The following FSTL5 variants were observed in gnomAD, a reference collection of about 807,000 sequenced individuals.
FSTL5 encodes the protein follistatin-related protein 5.
A neutral mutation model predicts 89.1 loss-of-function variants in FSTL5; 62 were observed. The ratio of observed to expected loss-of-function variants is 0.70; its 90% CI spans 0.57 to 0.86. The LOEUF (loss-of-function observed/expected upper bound fraction) is 0.86. FSTL5 is among the 40% of genes least tolerant of loss of function. The probability of loss-of-function intolerance (pLI) is 0.00; values close to 1 mark genes in which losing one functional copy is unlikely to be tolerated. For synonymous variants in FSTL5, 383 were observed against 346.2 expected, an observed-to-expected ratio of 1.11 and a Z score of -1.18; for missense variants, 1,057 against 1,001.6, an observed-to-expected ratio of 1.06 and a Z score of -0.75.
At chr4:161,572,375 G>T (rs1336856661) in intron 8 of FSTL5, among the ~76,000 whole-genome samples, 1 of 123,230 alleles carries the variant, frequency 8.1e-6, no homozygotes, top group Admixed American at 8.3e-5. Flanking sequence ...GAAAGAAGAA[G>T]AATGCACTGA....
At chr4:162,159,422 A>G (rs983551534) in intron 1 of FSTL5, among the ~76,000 whole-genome samples, 1 of 152,074 alleles carries the variant, frequency 6.6e-6, no homozygotes, top group African/African-American at 2.4e-5. Context: ...TTATGAGTTG[A>G]AATAATATTC....
At chr4:162,068,374 T>C (rs1169496457) in intron 2 of FSTL5, among the ~76,000 whole-genome samples, 4 of 151,880 alleles carry the variant, frequency 2.6e-5, no homozygotes, top group African/African-American at 9.7e-5. Flanking sequence ...TGGAACAGAA[T>C]AGAGAACCCA....
chr4:161,770,019 T>G (rs1741153169), intron 5 of FSTL5, among the ~76,000 whole-genome samples: 1 of 151,674 alleles, frequency 6.6e-6, no homozygotes, highest in Admixed American at 6.6e-5. Context: ...CATGATGGAG[T>G]AGCATTTAGC....
intron 2 of FSTL5, among the ~76,000 whole-genome samples, chr4:162,055,540 T>TAGATAGAC (rs2111267329): frequency 6.6e-6 from 1 of 151,572 alleles, no homozygotes; most frequent in African/African-American, 2.4e-5. Context: ...GATAGATAGA[T>TAGATAGAC]AGATAGATAG....
chr4:161,534,766 A>C (rs1309967992), intron 10 of FSTL5, among the ~76,000 whole-genome samples: 2 of 152,144 alleles, frequency 1.3e-5, no homozygotes, highest in African/African-American at 4.8e-5. Flanking sequence ...ATGAGTAGCC[A>C]AAGCAATCCT....
Position 161,412,437 on chromosome 4 carries a change from G to A in FSTL5, c.1842-25988C>T, listed in dbSNP as rs144176400. On this transcript the variant is annotated intron_variant, in intron 15 of 15. Transcript: ENST00000306100. ...GCATCACACTACCTGACTTCACACT[G>A]GGAACTGAACAATGAGAACACTTAG... Among the ~76,000 whole-genome samples the A allele has an allele frequency of 1.7e-3, 262 of 151,866 alleles. 1 individual carries two copies. Among genetic ancestry groups the A allele is most frequent in the African/African-American group, 6.1e-3 (251 of 41,462 alleles).
chr4:161,752,945 C>T (rs1408933752), intron 6 of FSTL5, among the ~76,000 whole-genome samples: 2 of 152,150 alleles, frequency 1.3e-5, no homozygotes, highest in Non-Finnish European at 2.9e-5. Flanking sequence ...CAGCCCTCAC[C>T]AGACACTGCA....
chr4:162,134,456 A>G (rs7699959), intron 1 of FSTL5, among the ~76,000 whole-genome samples: 81,166 of 152,058 alleles, frequency 0.53, 21,916 homozygotes, highest in Admixed American at 0.59. Context: ...GTTAAATGAC[A>G]TGGTAGACCA....
At chr4:161,799,154 TAC>T (rs1442766512) in intron 4 of FSTL5, among the ~76,000 whole-genome samples, 2 of 151,726 alleles carry the variant, frequency 1.3e-5, no homozygotes, top group African/African-American at 4.8e-5. Context: ...GGTGTTTTAA[TAC>T]AGTGATATCA....
intron 3 of FSTL5, among the ~76,000 whole-genome samples, chr4:161,987,773 A>G (rs566330113): frequency 1.3e-5 from 2 of 151,676 alleles, no homozygotes; most frequent in South Asian, 2.1e-4. Flanking sequence ...AAGTTTCTCA[A>G]TGCAGGAATG....
At chr4:161,590,780 C>T (rs1733787446) in intron 7 of FSTL5, among the ~76,000 whole-genome samples, 1 of 152,192 alleles carries the variant, frequency 6.6e-6, no homozygotes, top group Admixed American at 6.5e-5. Flanking sequence ...TTGGAACCTT[C>T]ACACATTGCT....
chr4:161,429,199 A>C (rs543599266), intron 15 of FSTL5, among the ~76,000 whole-genome samples: 2 of 152,194 alleles, frequency 1.3e-5, no homozygotes, highest in Non-Finnish European at 2.9e-5. Flanking sequence ...TTGCAGTAGA[A>C]TAGGGCACCA....
At chr4:161,512,212 CAACGCATGTGTTTCCTT>C (rs1371504613) in intron 10 of FSTL5, among the ~76,000 whole-genome samples, 2 of 152,032 alleles carry the variant, frequency 1.3e-5, no homozygotes, top group Middle Eastern at 3.2e-3. Context: ...ACAAAAATAA[CAACGCATGTGTTTCCTT>C]ATATCTCCAC....
intron 4 of FSTL5, among the ~76,000 whole-genome samples, chr4:161,878,809 T>C (rs1474549691): frequency 2.0e-5 from 3 of 152,160 alleles, no homozygotes; most frequent in Non-Finnish European, 4.4e-5. Flanking sequence ...CAATTAATGA[T>C]AACGATAGCA....
At chr4:162,099,826 G>A (rs955438485) in intron 2 of FSTL5, among the ~76,000 whole-genome samples, 10 of 152,114 alleles carry the variant, frequency 6.6e-5, no homozygotes, top group Non-Finnish European at 1.5e-4. Flanking sequence ...TGTTTTCATA[G>A]ATATTAAACA....
In FSTL5 at chr4:162,111,344, G is replaced by A. The variant is rs746283697; in HGVS notation, c.53C>T (p.Ser18Leu). The A allele has an allele frequency of 1.8e-5, 29 of 1,611,672 alleles. No individual in the cohort carries two copies. Among genetic ancestry groups the A allele is most frequent in the East Asian group, 1.3e-4 (6 of 44,796 alleles). ...VLVLGFIFLE[S>L]EGRPTKEGGY... ...TCCTTCTTTGGTTGGCCTTCCTTCCGACTCCAGAAAAATGAATCCGAGAAC... is the reference window on the plus strand; with the variant it reads ...TCCTTCTTTGGTTGGCCTTCCTTCCAACTCCAGAAAAATGAATCCGAGAAC... Residue 18 changes from serine to leucine, a missense_variant, in exon 2 of 16, where the codon TCG (serine) becomes TTG (leucine). Physicochemically the swap from Ser to Leu is moderately radical, Grantham distance 145. Transcript: ENST00000306100.
intron 15 of FSTL5, among the ~76,000 whole-genome samples, chr4:161,403,787 A>C (rs2110914869): frequency 6.6e-6 from 1 of 152,338 alleles, no homozygotes; most frequent in Admixed American, 6.5e-5. Context: ...CAGCAAAAAC[A>C]ATCTGGTAGT....
At chr4:161,980,162 A>G (rs1735778705) in intron 3 of FSTL5, among the ~76,000 whole-genome samples, 1 of 146,306 alleles carries the variant, frequency 6.8e-6, no homozygotes, top group Non-Finnish European at 1.5e-5. Flanking sequence ...AGATAAAGAA[A>G]GAAAGAAAAA....
chr4:161,954,221 C>A (rs1402945365), intron 3 of FSTL5, among the ~76,000 whole-genome samples: 1 of 151,566 alleles, frequency 6.6e-6, no homozygotes, highest in African/African-American at 2.4e-5. Context: ...AGTGTCATCT[C>A]AAATTCTGAA....
Sources: allele counts gnomAD v4.1 joint callset (sites outside exome capture counted in the v4.1 genomes callset), GRCh38; gene constraint gnomAD v4.1.1; transcripts MANE v1.5; gene names NCBI Gene and HGNC (gene_info 2026-07-23, HGNC 2026-07-21).